Variants in STRA6 observed in about 807,000 individuals in gnomAD.
The protein encoded by STRA6 is signaling receptor and transporter of retinol STRA6.
A neutral mutation model predicts 83.6 loss-of-function variants in STRA6; 48 were observed. That is an observed-to-expected ratio of 0.57 (90% CI 0.46 to 0.73). The LOEUF (loss-of-function observed/expected upper bound fraction) is 0.73. Ranked by LOEUF, STRA6 falls within the 30% of genes least tolerant of loss-of-function variation. The pLI, the probability that STRA6 is intolerant of heterozygous loss-of-function variation, is 0.00. For synonymous variants in STRA6, 353 were observed against 362.3 expected (o/e 0.97, Z 0.29); for missense variants, 760 against 838.8 (o/e 0.91, Z 1.16).
chr15:74,196,202 A>G, intron 4 of STRA6, 55 bp from the exon 5 acceptor site: 3 of 1,605,016 alleles, frequency 1.9e-6, no homozygotes, highest in South Asian at 2.2e-5. Context: ...CTGCACCCCC[A>G]TTACCTCCCA....
intron 14 of STRA6, 150 bp downstream of exon 14, chr15:74,183,705 CA>C (rs1437806955): frequency 2.7e-5 from 43 of 1,580,850 alleles, no homozygotes; most frequent in Non-Finnish European, 3.6e-5. Context: ...GCAGGGAAGG[CA>C]GGGGGGTCCC....
In STRA6 at chr15:74,189,295, T is replaced by C; in HGVS notation, c.928-18A>G. The C allele has an allele frequency of 1.3e-6, 2 of 1,580,408 alleles. No homozygotes were observed. The highest frequency in any genetic ancestry group is 8.6e-7 in the Non-Finnish European group (1 of 1,163,082). ...AGGGCCACCTGGAAGAGCCCCACAG[T>C]GAGGGCCCCATCCCAGGAAAGGGTT... On this transcript the variant is annotated intron_variant, in intron 11 of 18. Coordinates refer to ENST00000395105, the MANE Select transcript of STRA6 (RefSeq NM_022369.4).
intron 12 of STRA6, among the ~76,000 whole-genome samples, chr15:74,187,623 T>C (rs1412869628): frequency 1.3e-5 from 2 of 152,016 alleles, no homozygotes; most frequent in Non-Finnish European, 2.9e-5. Context: ...ATTAGCTCCT[T>C]AGGCGAAGGA....
At position 74,196,154 on chromosome 15, in the gene STRA6, C is replaced by T. The variant is rs894855391; in HGVS notation, c.267-7G>A. 3 of 1,613,536 alleles carry T rather than the reference C, an allele frequency of 1.9e-6. No homozygotes were observed. Among genetic ancestry groups the T allele is most frequent in the Admixed American group, 3.3e-5 (2 of 60,006 alleles). ...AGCCAAGAAATCCACAGGGCTAGCA[C>T]AGAGGCAAGGACAGGGCAGGAGGGA... On this transcript the variant is annotated splice_region_variant and splice_polypyrimidine_tract_variant and intron_variant, in intron 4 of 18. Coordinates refer to ENST00000395105, the MANE Select transcript of STRA6 (RefSeq NM_022369.4).
chr15:74,206,025 T>C (rs1187498535), upstream of STRA6, among the ~76,000 whole-genome samples: 2 of 152,220 alleles, frequency 1.3e-5, no homozygotes, highest in Admixed American at 6.5e-5. Flanking sequence ...GGACTGGCTA[T>C]GTGGCCTTGA....
rs1286569914 is a variant in STRA6 at position 74,194,819 on chromosome 15, T to G, written c.597+483A>C. 12 of 1,310,232 alleles carry G rather than the reference T, an allele frequency of 9.2e-6. No homozygotes were observed. In the East Asian group the frequency reaches 2.8e-4, roughly 30 times the overall value. The allele number at this position is 1,310,232 out of a possible 1,614,324, so 81.2% of individuals were successfully genotyped here. ...CTCTAAAGCCTGTACCATCACTCTT[T>G]GAGTTCTAGACTGGACAGCTTCACA... is the stretch of plus-strand genomic sequence containing the variant. On this transcript the variant is annotated intron_variant, in intron 7 of 18. Coordinates refer to ENST00000395105, the MANE Select transcript of STRA6 (RefSeq NM_022369.4).
chr15:74,202,529 C>T, intron 1 of STRA6, 184 bp downstream of exon 1: 1 of 1,506,318 alleles, frequency 6.6e-7, no homozygotes, highest in Non-Finnish European at 8.8e-7. Context: ...TCGCACTGGT[C>T]CTGCAGAGAT....
chr15:74,201,883 C>A (rs2074083322), intron 2 of STRA6, among the ~76,000 whole-genome samples: 2 of 152,186 alleles, frequency 1.3e-5, no homozygotes, highest in Non-Finnish European at 2.9e-5. Flanking sequence ...AGATCTGAAT[C>A]ATCTGTATTT....
At chr15:74,209,571 C>A, upstream of STRA6, 2 of 785,686 alleles carry the variant, frequency 2.5e-6, no homozygotes, top group Non-Finnish European at 4.0e-6. Flanking sequence ...AAAAGGCCCC[C>A]TCGGAGCTTT....
chr15:74,180,077 C>A lies in STRA6; in HGVS notation c.*3G>T. 1 of 1,611,970 alleles carries A rather than the reference C, an allele frequency of 6.2e-7. No homozygotes were observed. The highest frequency in any genetic ancestry group is 8.5e-7 in the Non-Finnish European group (1 of 1,178,462). On this transcript the variant is annotated 3_prime_UTR_variant, in exon 19 of 19. Transcript: ENST00000395105. Reference sequence around the variant, plus strand: ...TGGGCAGGTGGGTTGACCTTCCCTGCCCTCAGGGCTGGGCACCATTGGCAC... The same window carrying A: ...TGGGCAGGTGGGTTGACCTTCCCTGACCTCAGGGCTGGGCACCATTGGCAC...
intron 8 of STRA6, 39 bp from the exon 9 acceptor site, chr15:74,191,530 C>G (rs1465585057): frequency 6.3e-7 from 1 of 1,584,178 alleles, no homozygotes; most frequent in Non-Finnish European, 8.7e-7. Context: ...ATGAGATCTG[C>G]CTCGACCCAT....
At chr15:74,198,820 G>A (rs916289302) in intron 2 of STRA6, among the ~76,000 whole-genome samples, 2 of 152,204 alleles carry the variant, frequency 1.3e-5, no homozygotes, top group African/African-American at 2.4e-5. Flanking sequence ...CCTGGCAATG[G>A]TCCTGCACTC....
intron 3 of STRA6, 78 bp from the exon 4 acceptor site, chr15:74,197,501 G>T: frequency 7.8e-7 from 1 of 1,285,054 alleles, no homozygotes; most frequent in Non-Finnish European, 1.1e-6. Context: ...TTGGACTCAG[G>T]CCCCAGGATA....
chr15:74,209,505 CAT>C (rs2074336617), upstream of STRA6: 7 of 1,441,702 alleles, frequency 4.9e-6, no homozygotes, highest in African/African-American at 9.9e-5. Context: ...TAAGGGGAGT[CAT>C]CACAGGGCTT....
chr15:74,210,732 C>T (rs1595872156), upstream of STRA6, among the ~76,000 whole-genome samples: 1 of 152,228 alleles, frequency 6.6e-6, no homozygotes, highest in African/African-American at 2.4e-5. Context: ...CCCAATATTG[C>T]ACACTTCCCA....
At chr15:74,189,946 G>A (rs1404852046) in intron 11 of STRA6, among the ~76,000 whole-genome samples, 1 of 152,138 alleles carries the variant, frequency 6.6e-6, no homozygotes, top group Admixed American at 6.5e-5. Context: ...ACAGGTGTGA[G>A]CCACCACACC....
intron 8 of STRA6, among the ~76,000 whole-genome samples, chr15:74,192,530 A>C (rs965964688): frequency 3.9e-5 from 6 of 152,108 alleles, no homozygotes; most frequent in Non-Finnish European, 8.8e-5. Context: ...GACCTTGCCG[A>C]GTTAACACCC....
At chr15:74,205,001 C>T (rs2074228197), upstream of STRA6, among the ~76,000 whole-genome samples, 1 of 152,166 alleles carries the variant, frequency 6.6e-6, no homozygotes, top group African/African-American at 2.4e-5. Context: ...ACTCTGCCTT[C>T]CCCAGGCTGG....
In STRA6 at chr15:74,184,981, T is replaced by C; in HGVS notation, c.1165A>G (p.Arg389Gly). 2 of 1,613,638 alleles carry C rather than the reference T, an allele frequency of 1.2e-6. No individual in the cohort carries two copies. Among genetic ancestry groups the C allele is most frequent in the African/African-American group, 1.3e-5 (1 of 75,062 alleles). ...LVLMRSLVTH[R>G]TNLRALHRGA... ...GGTGAGCCAGAGTCTGTCACTCACC[T>C]GTGTGTCACCAGTGAGCGCATCAGG... Residue 389 changes from arginine to glycine, a missense_variant and splice_region_variant, in exon 13 of 19, where the codon AGG becomes GGG. Arg to Gly is a moderately radical substitution (Grantham distance 125). Transcript: ENST00000395105.
Sources: allele counts gnomAD v4.1 joint callset (sites outside exome capture counted in the v4.1 genomes callset), GRCh38; gene constraint gnomAD v4.1.1; transcripts MANE v1.5; gene names NCBI Gene and HGNC (gene_info 2026-07-23, HGNC 2026-07-21).